ZNF599: variants seen among roughly 807,000 people sequenced by gnomAD.
The protein encoded by ZNF599 is zinc finger protein 599.
ZNF599 carries 10 observed loss-of-function variants against 11.7 expected under a neutral mutation model. The ratio of observed to expected loss-of-function variants is 0.86; its 90% CI spans 0.53 to 1.45. ZNF599 has a LOEUF of 1.45. Among genes scored for constraint, ZNF599 ranks in the 40% most tolerant of loss-of-function variants. The probability of loss-of-function intolerance (pLI) is 0.00; values close to 1 mark genes in which losing one functional copy is unlikely to be tolerated. For synonymous variants in ZNF599, 232 were observed against 253.2 expected, an observed-to-expected ratio of 0.92 and a Z score of 0.79; for missense variants, 688 against 713.6, an observed-to-expected ratio of 0.96 and a Z score of 0.41.
the ZNF599 span, among the ~76,000 whole-genome samples, chr19:34,785,729 G>A: frequency 1.3e-5 from 2 of 152,174 alleles, no homozygotes; most frequent in East Asian, 1.9e-4. Context: ...TGTGAGAAGC[G>A]GGAGACTGGG....
At chr19:34,801,682 G>T in the ZNF599 span, among the ~76,000 whole-genome samples, 1 of 152,192 alleles carries the variant, frequency 6.6e-6, no homozygotes, top group African/African-American at 2.4e-5. Context: ...ACTGTAAATG[G>T]CTGCCCCACA....
At chr19:34,765,352 G>T in intron 3 of ZNF599, 1 of 546,776 alleles carries the variant, frequency 1.8e-6, no homozygotes, top group South Asian at 2.7e-5. Flanking sequence ...CGTCTTGCTG[G>T]AGTCTCACAC....
chr19:34,803,286 A>G, the ZNF599 span, among the ~76,000 whole-genome samples: 4 of 152,162 alleles, frequency 2.6e-5, no homozygotes, highest in Non-Finnish European at 4.4e-5. Context: ...TGTGAGAAGG[A>G]TGGATCTGTC....
chr19:34,769,345 G>A, intron 2 of ZNF599, 84 bp downstream of exon 2: 1 of 1,599,174 alleles, frequency 6.3e-7, no homozygotes. Flanking sequence ...GTTGGGTTCT[G>A]AGGCTCCTGG....
At chr19:34,766,944 T>TA (rs972509744) in intron 3 of ZNF599, 78 of 185,218 alleles carry the variant, frequency 4.2e-4, no homozygotes, top group Middle Eastern at 2.2e-3. Context: ...ATGGCATGGA[T>TA]AAAAAAACAA....
chr19:34,790,666 G>A, the ZNF599 span, among the ~76,000 whole-genome samples: 1 of 152,004 alleles, frequency 6.6e-6, no homozygotes, highest in Non-Finnish European at 1.5e-5. Flanking sequence ...TAGACAGGAG[G>A]AATACATTTT....
At chr19:34,775,804 A>C (rs1255989458), upstream of ZNF599, among the ~76,000 whole-genome samples, 9 of 152,200 alleles carry the variant, frequency 5.9e-5, no homozygotes, top group African/African-American at 1.9e-4. Flanking sequence ...TTCATTGCTG[A>C]GGTGTGTCAA....
At chr19:34,774,737 T>C (rs1241790862), upstream of ZNF599, among the ~76,000 whole-genome samples, 3 of 152,352 alleles carry the variant, frequency 2.0e-5, no homozygotes, top group South Asian at 2.1e-4. Context: ...CACTCTCACA[T>C]GCTTCTTAAT....
the ZNF599 span, among the ~76,000 whole-genome samples, chr19:34,806,346 C>A: frequency 3.9e-5 from 6 of 152,094 alleles, no homozygotes; most frequent in Admixed American, 2.6e-4. Context: ...ACCTCACTGT[C>A]CAACTTGCAC....
Position 34,759,771 on chromosome 19 carries a change from A to C in ZNF599, c.1030T>G (p.Cys344Gly). 1 of 1,614,160 alleles carries C rather than the reference A, an allele frequency of 6.2e-7. No homozygotes were observed. Among genetic ancestry groups the C allele is most frequent in the Non-Finnish European group, 8.5e-7 (1 of 1,180,004 alleles). Reference protein sequence around the residue: ...TGKKLYECGECGKAFTHRSTF... With the variant: ...TGKKLYECGEGGKAFTHRSTF... ...GAGCGGTGCGTGAAGGCCTTTCCAC[A>C]TTCACCGCACTCATAGAGTTTCTTT... The change falls in exon 4 of 4, where the codon TGT (cysteine) becomes GGT (glycine). Residue 344 changes from cysteine (C) to glycine (G), a missense_variant. Coordinates refer to ENST00000329285, the MANE Select transcript of ZNF599 (RefSeq NM_001007248.3).
chr19:34,758,843 G>C lies in ZNF599; in HGVS notation c.*191C>G. On this transcript the variant is annotated 3_prime_UTR_variant, in exon 4 of 4. Transcript: ENST00000329285. ...GAATCTTTAATATAATTCTTTGGAT[G>C]ACAAGTGATTACCTGCCATAAAAAG... 1 of 593,838 alleles carries C rather than the reference G, an allele frequency of 1.7e-6. No individual in the cohort carries two copies. The highest frequency in any genetic ancestry group is 2.9e-6 in the Non-Finnish European group (1 of 344,200). 36.8% of individuals were successfully genotyped at this position (593,838 alleles called of 1,614,324 possible). A position where few individuals can be genotyped will look rare whatever the true frequency, so the allele number is the denominator to read the frequency against.
intron 3 of ZNF599, among the ~76,000 whole-genome samples, chr19:34,762,079 T>C (rs113962271): frequency 0.027 from 4,071 of 152,274 alleles, 85 homozygotes; most frequent in South Asian, 0.084. Context: ...AATCTGTATG[T>C]GCCAAACACC....
chr19:34,762,011 A>T (rs1184742885), intron 3 of ZNF599, among the ~76,000 whole-genome samples: 1 of 152,216 alleles, frequency 6.6e-6, no homozygotes, highest in African/African-American at 2.4e-5. Flanking sequence ...AATGAGACAA[A>T]GAGGGACTTC....
the ZNF599 span, among the ~76,000 whole-genome samples, chr19:34,799,796 A>G: frequency 1.3e-5 from 2 of 152,240 alleles, no homozygotes; most frequent in East Asian, 1.9e-4. Flanking sequence ...TCTGCAAGCC[A>G]GAAAAAGAGG....
chr19:34,795,797 G>T, the ZNF599 span, among the ~76,000 whole-genome samples: 1 of 152,062 alleles, frequency 6.6e-6, no homozygotes, highest in Admixed American at 6.6e-5. Context: ...AAGGGTTTGA[G>T]TACTTATCTG....
In ZNF599 at chr19:34,758,952, A is replaced by T; in HGVS notation, c.*82T>A. On this transcript the variant is annotated 3_prime_UTR_variant, in exon 4 of 4. Coordinates refer to ENST00000329285, the MANE Select transcript of ZNF599 (RefSeq NM_001007248.3). ...CTCTGGCCAAAATATTTCCCTCAAT[A>T]GTTATACTCAAAAGGAAAGGTATGT... The T allele has an allele frequency of 7.2e-7, 1 of 1,395,688 alleles. No homozygotes were observed. The highest frequency in any genetic ancestry group is 9.8e-7 in the Non-Finnish European group (1 of 1,024,572). 86.5% of individuals were successfully genotyped at this position (1,395,688 alleles called of 1,614,324 possible).
At position 34,773,190 on chromosome 19, in the gene ZNF599, T is replaced by C. The variant is rs891671979; in HGVS notation, c.-349A>G. ...GTTGGCAACCACAGCAGCCGCAACC[T>C]AACGGCGGACGAAGACTGGACGCCG... On this transcript the variant is annotated 5_prime_UTR_variant, in exon 1 of 4. Transcript: ENST00000329285. 2.0e-5 allele frequency: 6 copies of C among 300,112 alleles called. No individual in the cohort carries two copies. Among genetic ancestry groups the C allele is most frequent in the Non-Finnish European group, 3.7e-5 (6 of 163,378 alleles). The allele number at this position is 300,112 out of a possible 1,614,324, so 18.6% of individuals were successfully genotyped here.
chr19:34,779,630 C>T, the ZNF599 span: 1 of 347,140 alleles, frequency 2.9e-6, no homozygotes, highest in Non-Finnish European at 5.6e-6. Context: ...TTAGGAGATG[C>T]ACTCATAAGG....
the ZNF599 span, among the ~76,000 whole-genome samples, chr19:34,783,526 G>A: frequency 6.6e-6 from 1 of 152,126 alleles, no homozygotes; most frequent in Non-Finnish European, 1.5e-5. Context: ...GTAGGAGTAG[G>A]AACTCAGACT....
Sources: gnomAD v4.1 joint callset for allele counts (sites outside exome capture counted in the v4.1 genomes callset) on GRCh38, gnomAD v4.1.1 for gene constraint, MANE v1.5 for transcripts, NCBI Gene and HGNC (gene_info 2026-07-23, HGNC 2026-07-21) for gene names.